The following NELL1 variants were observed in gnomAD, a reference collection of about 807,000 sequenced individuals.
NELL1 encodes the protein neural EGFL like 1, also known as protein kinase C-binding protein NELL1.
Under a neutral mutation model 107.4 loss-of-function variants are expected in NELL1, and 76 were observed. That is an observed-to-expected ratio of 0.71 (90% CI 0.59 to 0.86). The LOEUF is 0.86. Ranked by LOEUF, NELL1 falls within the 40% of genes least tolerant of loss-of-function variation. The pLI, the probability that NELL1 is intolerant of heterozygous loss-of-function variation, is 0.00. For missense variants in NELL1, 1,024 were observed against 1,005.5 expected (o/e 1.02, Z -0.25); for synonymous variants, 353 against 341.2 (o/e 1.03, Z -0.38).
chr11:21,061,941 C>G (rs74348888), intron 12 of NELL1, among the ~76,000 whole-genome samples: 1,685 of 152,278 alleles, frequency 0.011, 14 homozygotes, highest in Middle Eastern at 0.027. Flanking sequence ...CAGCCTTAGT[C>G]TTTCTATTCT....
chr11:20,680,145 C>A (rs1202836266), intron 2 of NELL1, among the ~76,000 whole-genome samples: 1 of 152,046 alleles, frequency 6.6e-6, no homozygotes, highest in Non-Finnish European at 1.5e-5. Flanking sequence ...ATAATCTCCC[C>A]CATCTCAATA....
chr11:21,120,137 A>G (rs1855331573), intron 13 of NELL1, among the ~76,000 whole-genome samples: 1 of 152,132 alleles, frequency 6.6e-6, no homozygotes, highest in Non-Finnish European at 1.5e-5. Flanking sequence ...TATGTTTGAA[A>G]TAGAGAAAAC....
intron 12 of NELL1, among the ~76,000 whole-genome samples, chr11:21,082,547 T>C (rs1326389360): frequency 1.3e-5 from 2 of 152,160 alleles, no homozygotes; most frequent in Non-Finnish European, 2.9e-5. Context: ...AATTCATTTT[T>C]CTAAAATACA....
chr11:21,544,690 A>G (rs989290468), intron 16 of NELL1, among the ~76,000 whole-genome samples: 1 of 151,970 alleles, frequency 6.6e-6, no homozygotes, highest in Non-Finnish European at 1.5e-5. Context: ...AAGAGCCTGT[A>G]CTTTATATTA....
chr11:20,987,214 C>G (rs1050842264), intron 12 of NELL1, among the ~76,000 whole-genome samples: 3 of 152,134 alleles, frequency 2.0e-5, no homozygotes, highest in Admixed American at 6.5e-5. Flanking sequence ...CTTATTCCCC[C>G]TTTGAAACCA....
At chr11:20,948,765 T>TAAAAAAAAAAAAAA (rs35915453) in intron 11 of NELL1, among the ~76,000 whole-genome samples, 1 of 107,286 alleles carries the variant, frequency 9.3e-6, no homozygotes, top group Non-Finnish European at 1.9e-5. Flanking sequence ...TTCAAAATCT[T>TAAAAAAAAAAAAAA]AAAAAAAAAA....
chr11:21,527,629 A>G (rs1180032164), intron 15 of NELL1, among the ~76,000 whole-genome samples: 1 of 152,228 alleles, frequency 6.6e-6, no homozygotes, highest in Non-Finnish European at 1.5e-5. Flanking sequence ...GGCCATCTGC[A>G]AACTGAGGAG....
chr11:20,901,904 T>TTA, intron 5 of NELL1, among the ~76,000 whole-genome samples: 1 of 151,954 alleles, frequency 6.6e-6, no homozygotes, highest in Non-Finnish European at 1.5e-5. Context: ...TTTAAAAACA[T>TTA]TATATATATA....
At chr11:21,007,475 T>A (rs1051079668) in intron 12 of NELL1, among the ~76,000 whole-genome samples, 1 of 152,088 alleles carries the variant, frequency 6.6e-6, no homozygotes, top group African/African-American at 2.4e-5. Context: ...TGAAAGTTAG[T>A]CTTAGCCTGG....
At chr11:20,729,567 G>A (rs1197234550) in intron 2 of NELL1, among the ~76,000 whole-genome samples, 1 of 152,056 alleles carries the variant, frequency 6.6e-6, no homozygotes, top group Non-Finnish European at 1.5e-5. Flanking sequence ...GAGATCATAT[G>A]ATTTTAAAAA....
At chr11:21,360,789 T>C (rs1851058914) in intron 14 of NELL1, among the ~76,000 whole-genome samples, 1 of 152,222 alleles carries the variant, frequency 6.6e-6, no homozygotes, top group East Asian at 1.9e-4. Context: ...TAGCTACTCC[T>C]GCTCACTTTT....
intron 5 of NELL1, among the ~76,000 whole-genome samples, chr11:20,912,038 T>A (rs1021013644): frequency 6.6e-6 from 1 of 152,220 alleles, no homozygotes; most frequent in Non-Finnish European, 1.5e-5. Context: ...ATCTGCTGAA[T>A]TGCTCCAGAA....
intron 13 of NELL1, among the ~76,000 whole-genome samples, chr11:21,216,988 C>T (rs1628614): frequency 0.92 from 139,361 of 152,186 alleles, 63,822 homozygotes; most frequent in Middle Eastern, 0.96. Context: ...AATTGTAGTT[C>T]CCATAATGCC....
At chr11:21,356,822 C>T (rs1378637455) in intron 14 of NELL1, among the ~76,000 whole-genome samples, 1 of 152,144 alleles carries the variant, frequency 6.6e-6, no homozygotes, top group Non-Finnish European at 1.5e-5. Context: ...CTTCATCCTG[C>T]ATCCCCAAAG....
intron 16 of NELL1, among the ~76,000 whole-genome samples, chr11:21,550,120 G>A (rs1350874269): frequency 1.3e-5 from 2 of 151,762 alleles, no homozygotes; most frequent in Admixed American, 6.6e-5. Context: ...AATTATTTTG[G>A]CAGCCTTTAC....
intron 1 of NELL1, among the ~76,000 whole-genome samples, chr11:20,677,710 A>T (rs1168093582): frequency 6.6e-6 from 1 of 152,062 alleles, no homozygotes; most frequent in Non-Finnish European, 1.5e-5. Context: ...AGAAATTATC[A>T]ATCCATAATT....
At chr11:21,571,821 C>A (rs1417372078) in intron 18 of NELL1, among the ~76,000 whole-genome samples, 1 of 151,788 alleles carries the variant, frequency 6.6e-6, no homozygotes, top group African/African-American at 2.4e-5. Context: ...TATGTAAAGT[C>A]ACAACTATGG....
intron 16 of NELL1, among the ~76,000 whole-genome samples, chr11:21,535,679 C>T (rs181091513): frequency 6.6e-6 from 1 of 152,208 alleles, no homozygotes; most frequent in Non-Finnish European, 1.5e-5. Flanking sequence ...ACATTTTTAT[C>T]CAGTCTGTAT....
At chr11:21,364,546 C>A (rs947906920) in intron 14 of NELL1, among the ~76,000 whole-genome samples, 1 of 151,786 alleles carries the variant, frequency 6.6e-6, no homozygotes, top group Non-Finnish European at 1.5e-5. Flanking sequence ...TGGATCGTAG[C>A]CGCACTTTAT....
Sources: allele counts gnomAD v4.1 joint callset (sites outside exome capture counted in the v4.1 genomes callset), GRCh38; gene constraint gnomAD v4.1.1; transcripts MANE v1.5; gene names NCBI Gene and HGNC (gene_info 2026-07-23, HGNC 2026-07-21).